The following HOPX variants were observed in gnomAD, a reference collection of about 807,000 sequenced individuals.
HOPX encodes HOP homeobox.
Under a neutral mutation model 11.8 loss-of-function variants are expected in HOPX, and 5 were observed. The observed-to-expected ratio is 0.43, with a 90% confidence interval of 0.22 to 0.89. The LOEUF (loss-of-function observed/expected upper bound fraction) is 0.89. Among genes scored for constraint, HOPX ranks in the 40% least tolerant of loss-of-function variants. HOPX has a pLI of 0.28. For missense variants in HOPX, 119 were observed against 120.0 expected (o/e 0.99, Z 0.04); for synonymous variants, 49 against 49.7 (o/e 0.99, Z 0.06).
intron 1 of HOPX, among the ~76,000 whole-genome samples, chr4:56,673,880 T>C (rs999345539): frequency 4.0e-5 from 6 of 149,048 alleles, no homozygotes; most frequent in Non-Finnish European, 7.3e-5. Context: ...AATTTTTGGA[T>C]TTTTAGTAGA....
At chr4:56,654,682 C>T (rs1416980957) in intron 3 of HOPX, among the ~76,000 whole-genome samples, 3 of 152,172 alleles carry the variant, frequency 2.0e-5, no homozygotes, top group Middle Eastern at 3.2e-3. Flanking sequence ...CCAAAGAGTG[C>T]CTCTGGCTTA....
chr4:56,665,752 A>G (rs1484160476), intron 1 of HOPX: 1 of 152,178 alleles, frequency 6.6e-6, no homozygotes, highest in African/African-American at 2.4e-5. Flanking sequence ...CATTTTATAT[A>G]TGTAGAAACT....
intron 3 of HOPX, among the ~76,000 whole-genome samples, chr4:56,652,110 C>A (rs1717249168): frequency 1.3e-5 from 2 of 152,130 alleles, no homozygotes; most frequent in Non-Finnish European, 1.5e-5. Context: ...CCAGTAAATG[C>A]AACTTAGAAA....
chr4:56,656,263 C>T, intron 2 of HOPX: 1 of 1,166,372 alleles, frequency 8.6e-7, no homozygotes. Flanking sequence ...GCGCCTCCCG[C>T]GCCCCCCGGG....
At chr4:56,653,875 G>A (rs1717432666) in intron 3 of HOPX, among the ~76,000 whole-genome samples, 1 of 152,178 alleles carries the variant, frequency 6.6e-6, no homozygotes. Context: ...AAAAAAAGCA[G>A]GTGCCCTTTT....
intron 1 of HOPX, among the ~76,000 whole-genome samples, chr4:56,660,567 A>T (rs1230075373): frequency 6.6e-6 from 1 of 151,560 alleles, no homozygotes; most frequent in Non-Finnish European, 1.5e-5. Flanking sequence ...TTTGAAAAAA[A>T]ATTTTTTTTC....
chr4:56,654,309 C>T lies in HOPX; in HGVS notation c.198+1548G>A, dbSNP rs554718521. 2.0e-5 allele frequency among the ~76,000 whole-genome samples: 3 copies of T among 152,312 alleles called. No homozygotes were observed. The East Asian group carries it at 5.8e-4, about 29-fold the overall frequency. On this transcript the variant is annotated intron_variant, in intron 3 of 3. Coordinates refer to ENST00000420433, the MANE Select transcript of HOPX (RefSeq NM_032495.6). ...CATTACAAAGGTCAACGTAATTATG[C>T]TGCTTTATAGGTAAGATGACTGATG...
intron 2 of HOPX, 22 bp from the exon 3 acceptor site, chr4:56,656,034 C>G (rs772883471): frequency 1.3e-6 from 2 of 1,535,602 alleles, no homozygotes. Context: ...GGAGAAGCGG[C>G]GGCGGTGAGC....
intron 1 of HOPX, among the ~76,000 whole-genome samples, chr4:56,675,435 A>G (rs1267497656): frequency 6.6e-6 from 1 of 151,618 alleles, no homozygotes; most frequent in Non-Finnish European, 1.5e-5. Flanking sequence ...TTCCACTGGG[A>G]CAATGAATCT....
At chr4:56,650,983 G>A in intron 3 of HOPX, 1 of 557,554 alleles carries the variant, frequency 1.8e-6, no homozygotes, top group Non-Finnish European at 3.0e-6. Context: ...TCTGTGGGGG[G>A]TTTCAAGGAT....
chr4:56,648,618 A>T lies in HOPX; in HGVS notation c.*102T>A. On this transcript the variant is annotated 3_prime_UTR_variant, in exon 4 of 4. Coordinates refer to ENST00000420433, the MANE Select transcript of HOPX (RefSeq NM_032495.6). ...TAAACAGCAGGACAGCTAGCAATGGAACATACAACACTATGCTGAAAAACC... is the reference window on the plus strand; with the variant it reads ...TAAACAGCAGGACAGCTAGCAATGGTACATACAACACTATGCTGAAAAACC... 1.4e-6 allele frequency: 1 copy of T among 725,390 alleles called. No individual in the cohort carries two copies. The highest frequency in any genetic ancestry group is 2.3e-6 in the Non-Finnish European group (1 of 432,414). 44.9% of individuals were successfully genotyped at this position (725,390 alleles called of 1,614,324 possible). A position where few individuals can be genotyped will look rare whatever the true frequency, so the allele number is the denominator to read the frequency against.
At chr4:56,667,470 C>T (rs1718501332) in intron 1 of HOPX, among the ~76,000 whole-genome samples, 1 of 152,086 alleles carries the variant, frequency 6.6e-6, no homozygotes, top group Non-Finnish European at 1.5e-5. Flanking sequence ...ACAGGACTGA[C>T]TCTGTTGGAG....
chr4:56,668,113 C>T (rs753842956), intron 1 of HOPX, among the ~76,000 whole-genome samples: 3 of 152,128 alleles, frequency 2.0e-5, no homozygotes, highest in Non-Finnish European at 2.9e-5. Context: ...TTAGTAGAGT[C>T]GGGGTTTTGC....
intron 1 of HOPX, chr4:56,678,920 A>G (rs899883079): frequency 1.3e-5 from 2 of 152,172 alleles, no homozygotes; most frequent in African/African-American, 4.8e-5. Flanking sequence ...TATGTTCAGC[A>G]TGTTACATAG....
upstream of HOPX, chr4:56,681,698 A>G: frequency 1.0e-6 from 1 of 998,120 alleles, no homozygotes; most frequent in Non-Finnish European, 1.2e-6. Context: ...CAAAGCGTAG[A>G]TCTGGTGCGG....
intron 1 of HOPX, chr4:56,665,105 A>C (rs2109519358): frequency 6.6e-6 from 1 of 152,178 alleles, no homozygotes; most frequent in East Asian, 1.9e-4. Flanking sequence ...ACACGTAAGC[A>C]CCCCGACGCC....
chr4:56,670,503 G>A (rs1718677149), intron 1 of HOPX, among the ~76,000 whole-genome samples: 1 of 152,110 alleles, frequency 6.6e-6, no homozygotes. Context: ...AGTTTAAATG[G>A]CAGCTAATAA....
Position 56,660,644 on chromosome 4 carries a change from G to A in HOPX, c.-83-2745C>T, listed in dbSNP as rs539006801. ...TTGCTCAAAGTTTTATTTGATTATTGGTATCAAATAATATTTTTGGAAAAG... is the reference window on the plus strand; with the variant it reads ...TTGCTCAAAGTTTTATTTGATTATTAGTATCAAATAATATTTTTGGAAAAG... On this transcript the variant is annotated intron_variant, in intron 1 of 3. Coordinates refer to ENST00000420433, the MANE Select transcript of HOPX (RefSeq NM_032495.6). 8.6e-5 allele frequency among the ~76,000 whole-genome samples: 13 copies of A among 151,982 alleles called. No individual in the cohort carries two copies. In the East Asian group the frequency reaches 2.3e-3, roughly 27 times the overall value.
chr4:56,667,085 T>C (rs138077089), intron 1 of HOPX, among the ~76,000 whole-genome samples: 46 of 152,356 alleles, frequency 3.0e-4, no homozygotes, highest in Middle Eastern at 3.4e-3. Context: ...TACAGATTTA[T>C]AGCACAACTT....
Sources: gnomAD v4.1 joint callset for allele counts (sites outside exome capture counted in the v4.1 genomes callset) on GRCh38, gnomAD v4.1.1 for gene constraint, MANE v1.5 for transcripts, NCBI Gene and HGNC (gene_info 2026-07-23, HGNC 2026-07-21) for gene names.